The following KANK1 variants were observed in gnomAD, a reference collection of about 807,000 sequenced individuals.
KANK1 encodes the protein KN motif and ankyrin repeat domains 1, also known as KN motif and ankyrin repeat domain-containing protein 1.
A neutral mutation model predicts 106.2 loss-of-function variants in KANK1; 109 were observed. The ratio of observed to expected loss-of-function variants is 1.03; its 90% confidence interval spans 0.88 to 1.20. The LOEUF (loss-of-function observed/expected upper bound fraction) is 1.20. Ranked by LOEUF, KANK1 falls within the 50% of genes most tolerant of loss-of-function variation. The pLI is 0.00. For missense variants in KANK1, 2,399 were observed against 1,710.7 expected (o/e 1.40, Z -7.10); for synonymous variants, 873 against 652.2 (o/e 1.34, Z -5.16).
chr9:596,460 A>T (rs894157302), intron 1 of KANK1, among the ~76,000 whole-genome samples: 7 of 151,816 alleles, frequency 4.6e-5, no homozygotes, highest in African/African-American at 1.7e-4. Context: ...TGCTAAGCTG[A>T]ACTAGGCTTT....
intron 1 of KANK1, among the ~76,000 whole-genome samples, chr9:531,153 A>T (rs1161695835): frequency 2.0e-5 from 3 of 152,068 alleles, no homozygotes; most frequent in African/African-American, 7.2e-5. Flanking sequence ...AGAAGTACTT[A>T]ATTGGCTGGG....
At position 519,016 on chromosome 9, in the gene KANK1, G is replaced by A. The variant is rs371554582; in HGVS notation, c.-84+14262G>A. ...AGTGATTCTTCTGCCTCAGCCTCCC[G>A]AGTAGCTGGGATTACAGGCATGCAC... is the stretch of plus-strand genomic sequence containing the variant. On this transcript the variant is annotated intron_variant, in intron 1 of 11. Transcript: ENST00000382297. 7.2e-4 allele frequency among the ~76,000 whole-genome samples: 109 copies of A among 151,418 alleles called. 1 individual carries two copies. Among genetic ancestry groups the A allele is most frequent in the Non-Finnish European group, 9.3e-4 (63 of 67,974 alleles).
At chr9:599,197 T>A (rs1337576818) in intron 1 of KANK1, among the ~76,000 whole-genome samples, 2 of 151,022 alleles carry the variant, frequency 1.3e-5, no homozygotes, top group Non-Finnish European at 2.9e-5. Context: ...TTTTTATTGT[T>A]AGTAGAGACG....
At chr9:710,694 G>C in intron 2 of KANK1, 110 bp from the exon 3 acceptor site, 2 of 916,454 alleles carry the variant, frequency 2.2e-6, no homozygotes, top group Non-Finnish European at 3.2e-6. Flanking sequence ...ACATAGGTGT[G>C]TCAACTCTTA....
In KANK1 at chr9:744,567, A is replaced by G. The variant is rs115544005; in HGVS notation, c.3974A>G (p.Asn1325Ser). The change falls in exon 11 of 12, where the codon AAC becomes AGC. Residue 1325 changes from asparagine (N) to serine (S), a missense_variant. Transcript: ENST00000382297. ...DIAVLLYAHV[N>S]FAKAQSPGTP... ...GCTGTTCTTCTGTATGCCCATGTCAACTTTGCAAAAGCCCAGTCTCCGGTC... is the reference window on the plus strand; with the variant it reads ...GCTGTTCTTCTGTATGCCCATGTCAGCTTTGCAAAAGCCCAGTCTCCGGTC... 8.1e-6 allele frequency: 13 copies of G among 1,614,200 alleles called. No individual in the cohort carries two copies. The highest frequency in any genetic ancestry group is 5.5e-5 in the South Asian group (5 of 91,076).
At chr9:651,199 G>A (rs1840812252) in intron 1 of KANK1, among the ~76,000 whole-genome samples, 1 of 152,162 alleles carries the variant, frequency 6.6e-6, no homozygotes, top group African/African-American at 2.4e-5. Flanking sequence ...TATGTCCTTA[G>A]GAATGGGGTT....
intron 2 of KANK1, among the ~76,000 whole-genome samples, chr9:702,042 C>A (rs1360241595): frequency 6.6e-6 from 1 of 152,152 alleles, no homozygotes; most frequent in Non-Finnish European, 1.5e-5. Context: ...AGCAGACTTG[C>A]CATCAGTTTG....
intron 3 of KANK1, among the ~76,000 whole-genome samples, chr9:720,647 C>T (rs947070080): frequency 2.0e-5 from 3 of 152,206 alleles, no homozygotes; most frequent in Non-Finnish European, 2.9e-5. Flanking sequence ...TAAGCCAATG[C>T]ACCCAGCCTG....
chr9:541,357 A>G lies in KANK1; in HGVS notation c.-84+36603A>G, dbSNP rs188643685. ...GAGTCTTTTCAATAAATGGTGTTGGAAAAACTGGGCATCCACATACAGAAA... is the reference window on the plus strand; with the variant it reads ...GAGTCTTTTCAATAAATGGTGTTGGGAAAACTGGGCATCCACATACAGAAA... On this transcript the variant is annotated intron_variant, in intron 1 of 11. Coordinates refer to ENST00000382297, the MANE Select transcript of KANK1 (RefSeq NM_015158.5). Among the ~76,000 whole-genome samples the G allele has an allele frequency of 1.8e-4, 27 of 152,302 alleles. 1 individual carries two copies. In the Middle Eastern group the frequency reaches 0.024, roughly 134 times the overall value.
At chr9:664,410 T>C (rs151266160) in intron 1 of KANK1, among the ~76,000 whole-genome samples, 64 of 152,300 alleles carry the variant, frequency 4.2e-4, no homozygotes, top group African/African-American at 1.4e-3. Context: ...TTAATTCTTT[T>C]TATGGCTGGA....
chr9:720,184 T>A lies in KANK1; in HGVS notation c.2698+6720T>A, dbSNP rs567215739. On this transcript the variant is annotated intron_variant, in intron 3 of 11. Coordinates refer to ENST00000382297, the MANE Select transcript of KANK1 (RefSeq NM_015158.5). ...GCTTTATTGGTGTTTATGGCTGTTA[T>A]AAGTTTGAGTTAATGATAGAAGACT... is the stretch of plus-strand genomic sequence containing the variant. Among the ~76,000 whole-genome samples, 5 of 152,324 alleles carry A rather than the reference T, an allele frequency of 3.3e-5. No individual in the cohort carries two copies. The South Asian group carries it at 1.0e-3, about 32-fold the overall frequency.
At chr9:707,276 G>A (rs956341147) in intron 2 of KANK1, 1 of 970,644 alleles carries the variant, frequency 1.0e-6, no homozygotes, top group Non-Finnish European at 1.2e-6. Context: ...GCGTGGGGCG[G>A]CCACCGCTGG....
intron 1 of KANK1, among the ~76,000 whole-genome samples, chr9:584,413 G>C (rs774678362): frequency 1.3e-5 from 2 of 152,096 alleles, no homozygotes; most frequent in Admixed American, 6.5e-5. Context: ...TGAACTTACA[G>C]TAAAGAACAA....
intron 1 of KANK1, among the ~76,000 whole-genome samples, chr9:649,763 T>C (rs1254789474): frequency 2.0e-5 from 3 of 152,184 alleles, no homozygotes. Flanking sequence ...ATCTCGTTTT[T>C]GACCATCATT....
At chr9:471,527 C>G (rs1300554145) in intron 2 of KANK1, 1 of 152,178 alleles carries the variant, frequency 6.6e-6, no homozygotes, top group Non-Finnish European at 1.5e-5. Context: ...TGGAGCAGGA[C>G]CAAAGTAAAT....
At chr9:493,057 C>G (rs935223523) in intron 3 of KANK1, among the ~76,000 whole-genome samples, 3 of 151,386 alleles carry the variant, frequency 2.0e-5, no homozygotes, top group Non-Finnish European at 4.4e-5. Flanking sequence ...AAAAGAAAAC[C>G]AGCTGTGGCC....
At chr9:677,116 A>G in intron 2 of KANK1, 107 bp downstream of exon 2, 1 of 975,202 alleles carries the variant, frequency 1.0e-6, no homozygotes, top group South Asian at 1.6e-5. Context: ...CTAGATAACT[A>G]GGATTTCAAA....
intron 1 of KANK1, among the ~76,000 whole-genome samples, chr9:659,667 G>A (rs1339558857): frequency 6.6e-6 from 1 of 151,988 alleles, no homozygotes; most frequent in Non-Finnish European, 1.5e-5. Context: ...GAAGGGGAAG[G>A]TGGCACGTCC....
At chr9:541,504 A>G (rs946423524) in intron 1 of KANK1, among the ~76,000 whole-genome samples, 1 of 152,228 alleles carries the variant, frequency 6.6e-6, no homozygotes, top group African/African-American at 2.4e-5. Flanking sequence ...TAAGATCCAA[A>G]AGTATAAAAC....
Sources: allele counts gnomAD v4.1 joint callset (sites outside exome capture counted in the v4.1 genomes callset), GRCh38; gene constraint gnomAD v4.1.1; transcripts MANE v1.5; gene names NCBI Gene and HGNC (gene_info 2026-07-23, HGNC 2026-07-21).